ZNF536: variants seen among roughly 807,000 people sequenced by gnomAD.
ZNF536 encodes zinc finger protein 536.
In ZNF536, 13 loss-of-function variants were observed where a neutral mutation model predicts 84.5. The observed-to-expected ratio is 0.15, with a 90% confidence interval of 0.10 to 0.24. The LOEUF (loss-of-function observed/expected upper bound fraction) is 0.24. Ranked by LOEUF, ZNF536 falls within the 10% of genes least tolerant of loss-of-function variation. The probability of loss-of-function intolerance (pLI) is 1.00; values close to 1 mark genes in which losing one functional copy is unlikely to be tolerated. For synonymous variants in ZNF536, 811 were observed against 742.5 expected (o/e 1.09, Z -1.50); for missense variants, 1,536 against 1,747.5 (o/e 0.88, Z 2.16).
chr19:30,326,680 G>A lies in ZNF536; in HGVS notation c.-119-25688G>A, dbSNP rs146778629. 6.2e-4 allele frequency among the ~76,000 whole-genome samples: 92 copies of A among 149,406 alleles called. No homozygotes were observed. In the East Asian group the frequency reaches 0.011, roughly 18 times the overall value. ...AGACGGCTTTCGATGCGGGAGGCAC[G>A]AATGTGCCTCCCCATCTCTGGCACA... is the stretch of plus-strand genomic sequence containing the variant. On this transcript the variant is annotated intron_variant, in intron 2 of 5. Transcript: ENST00000585628.
At position 30,244,110 on chromosome 19, in the gene ZNF536, A is replaced by C. The variant is rs78991825; in HGVS notation, c.-190+15437A>C. Reference sequence around the variant, plus strand: ...AAGAATCTACAGTTTCTGATTTCCAAGTACCGATTGTCAGTTGATTAAGGT... The same window carrying C: ...AAGAATCTACAGTTTCTGATTTCCACGTACCGATTGTCAGTTGATTAAGGT... On this transcript the variant is annotated intron_variant, in intron 1 of 5. Transcript: ENST00000585628. 6.6e-4 allele frequency among the ~76,000 whole-genome samples: 101 copies of C among 152,288 alleles called. 1 individual carries two copies. In the East Asian group the frequency reaches 0.017, roughly 26 times the overall value.
At chr19:30,276,916 G>T (rs2026159851) in intron 1 of ZNF536, among the ~76,000 whole-genome samples, 1 of 151,894 alleles carries the variant, frequency 6.6e-6, no homozygotes, top group Admixed American at 6.6e-5. Flanking sequence ...AAGGGTAATT[G>T]TTTTAGCCCA....
At chr19:30,440,902 G>C (rs890227287) in intron 1 of ZNF536, among the ~76,000 whole-genome samples, 6 of 150,010 alleles carry the variant, frequency 4.0e-5, no homozygotes, top group Non-Finnish European at 8.9e-5. Flanking sequence ...TAGATAGATA[G>C]ATAGATAGAT....
At chr19:30,448,851 C>T (rs960247526) in intron 2 of ZNF536, among the ~76,000 whole-genome samples, 3 of 152,158 alleles carry the variant, frequency 2.0e-5, no homozygotes, top group South Asian at 2.1e-4. Flanking sequence ...ATGTCTTGCT[C>T]AGACCGAGAT....
intron 1 of ZNF536, among the ~76,000 whole-genome samples, chr19:30,700,242 C>CTTTCTTTCTTTCTT (rs57308094): frequency 1.3e-4 from 14 of 104,380 alleles, no homozygotes; most frequent in Non-Finnish European, 2.7e-4. Context: ...CTTTCTTTCT[C>CTTTCTTTCTTTCTT]TCTCTCTCTC....
At chr19:30,304,194 C>T (rs2046277474) in intron 2 of ZNF536, among the ~76,000 whole-genome samples, 1 of 152,204 alleles carries the variant, frequency 6.6e-6, no homozygotes. Flanking sequence ...CTGGGACTAC[C>T]TCCTGCACAA....
At chr19:30,428,063 T>C (rs1186718700) in intron 1 of ZNF536, among the ~76,000 whole-genome samples, 1 of 152,218 alleles carries the variant, frequency 6.6e-6, no homozygotes, top group Non-Finnish European at 1.5e-5. Flanking sequence ...TGGGGGTGTT[T>C]GACTTTTCCT....
intron 1 of ZNF536, among the ~76,000 whole-genome samples, chr19:30,609,147 C>T (rs139590533): frequency 3.8e-3 from 577 of 152,286 alleles, no homozygotes; most frequent in Non-Finnish European, 6.4e-3. Context: ...TAGTGCAATC[C>T]CTTGCCCCAT....
At chr19:30,473,964 C>T (rs993708282) in intron 2 of ZNF536, among the ~76,000 whole-genome samples, 7 of 152,198 alleles carry the variant, frequency 4.6e-5, no homozygotes, top group Non-Finnish European at 7.3e-5. Flanking sequence ...TGGGAAAACA[C>T]TAGTTTCTAG....
At chr19:30,674,120 G>A (rs1267638394) in intron 1 of ZNF536, among the ~76,000 whole-genome samples, 1 of 152,214 alleles carries the variant, frequency 6.6e-6, no homozygotes, top group Non-Finnish European at 1.5e-5. Flanking sequence ...CAGATATTGT[G>A]TTTCAGAGCT....
At chr19:30,325,588 T>A (rs1011831940) in intron 2 of ZNF536, among the ~76,000 whole-genome samples, 5 of 152,228 alleles carry the variant, frequency 3.3e-5, no homozygotes, top group Non-Finnish European at 7.3e-5. Context: ...GGCTCAAGTC[T>A]GGTTCCTCAG....
chr19:30,269,905 G>C (rs2025731210), intron 1 of ZNF536, among the ~76,000 whole-genome samples: 1 of 152,160 alleles, frequency 6.6e-6, no homozygotes, highest in African/African-American at 2.4e-5. Context: ...CCAGTTTTCA[G>C]GGACGGCACT....
Position 30,614,284 on chromosome 19 carries a change from A to G in ZNF536, c.169+64770A>G, listed in dbSNP as rs1269895070. On this transcript the variant is annotated intron_variant, in intron 1 of 1. Coordinates refer to the ZNF536 transcript ENST00000592773. ...GCTTTTAATGGCAAAATTAATAATA[A>G]TTGTGGAGATTTCCTAGTTCCTTTG... Among the ~76,000 whole-genome samples, 3 of 152,168 alleles carry G rather than the reference A, an allele frequency of 2.0e-5. No homozygotes were observed. The East Asian group carries it at 5.8e-4, about 29-fold the overall frequency.
At chr19:30,502,467 G>A (rs1011212171) in intron 2 of ZNF536, among the ~76,000 whole-genome samples, 5 of 152,094 alleles carry the variant, frequency 3.3e-5, no homozygotes, top group Non-Finnish European at 5.9e-5. Context: ...AGATCGAACT[G>A]TGTATGTCCA....
chr19:30,658,321 C>T (rs1274096233), intron 1 of ZNF536, among the ~76,000 whole-genome samples: 1 of 152,108 alleles, frequency 6.6e-6, no homozygotes, highest in African/African-American at 2.4e-5. Context: ...CGTGCCTGGC[C>T]TTTCTGTTCC....
chr19:30,268,039 C>A (rs1454990412), intron 1 of ZNF536, among the ~76,000 whole-genome samples: 1 of 139,390 alleles, frequency 7.2e-6, no homozygotes, highest in Non-Finnish European at 1.6e-5. Flanking sequence ...ATCTTCCTCC[C>A]CCCGCCTCCC....
Position 30,500,994 on chromosome 19 carries a change from G to T in ZNF536, c.2171-33853G>T, listed in dbSNP as rs537802590. 2.0e-5 allele frequency among the ~76,000 whole-genome samples: 3 copies of T among 152,280 alleles called. No homozygotes were observed. In the South Asian group the frequency reaches 6.2e-4, roughly 32 times the overall value. The stretch of plus-strand genomic sequence containing the variant: ...CTGGTGCTGTTTGGGCATTGTTCAG[G>T]ATTGGAGCGAGAAGGTTTGACCTGT... On this transcript the variant is annotated intron_variant, in intron 2 of 4. Transcript: ENST00000355537.
chr19:30,433,198 G>A (rs1180208140), intron 1 of ZNF536, among the ~76,000 whole-genome samples: 2 of 152,182 alleles, frequency 1.3e-5, no homozygotes, highest in African/African-American at 4.8e-5. Context: ...TCAAGGCTCG[G>A]CCAAGGCCTG....
chr19:30,378,535 G>T lies in ZNF536; in HGVS notation c.-3+5979G>T, dbSNP rs77854299. The stretch of plus-strand genomic sequence containing the variant: ...GGTCTCGAACTCCTGCCACATTTGG[G>T]TCTTCCCACACATGCTAGTGGTGCT... On this transcript the variant is annotated intron_variant, in intron 1 of 4. Transcript: ENST00000355537. Among the ~76,000 whole-genome samples, 933 of 152,272 alleles carry T rather than the reference G, an allele frequency of 6.1e-3. 6 individuals are homozygous for T. The highest frequency in any genetic ancestry group is 0.017 in the Middle Eastern group (5 of 294).
Sources: allele counts gnomAD v4.1 joint callset (sites outside exome capture counted in the v4.1 genomes callset), GRCh38; gene constraint gnomAD v4.1.1; transcripts MANE v1.5; gene names NCBI Gene and HGNC (gene_info 2026-07-23, HGNC 2026-07-21).